RYR1: variants seen among roughly 807,000 people sequenced by gnomAD.
The protein encoded by RYR1 is central core disease of muscle.
A neutral mutation model predicts 583.5 loss-of-function variants in RYR1; 342 were observed. The ratio of observed to expected loss-of-function variants is 0.59; its 90% CI spans 0.54 to 0.64. The LOEUF (loss-of-function observed/expected upper bound fraction) is 0.64, where lower values mean the gene tolerates loss of function less well. RYR1 is among the 30% of genes least tolerant of loss of function. The pLI, the probability that RYR1 is intolerant of heterozygous loss-of-function variation, is 0.00. For missense variants in RYR1, 6,032 were observed against 6,917.2 expected, an observed-to-expected ratio of 0.87 and a Z score of 4.54; for synonymous variants, 2,791 against 2,822.5, an observed-to-expected ratio of 0.99 and a Z score of 0.35.
intron 22 of RYR1, 59 bp downstream of exon 22, chr19:38,463,909 G>T: frequency 1.6e-6 from 2 of 1,265,938 alleles, no homozygotes; most frequent in East Asian, 2.3e-5. Flanking sequence ...GGGGAGGGAG[G>T]CATGGAGAGA....
chr19:38,548,457 T>C (rs1265131285), intron 89 of RYR1, 37 bp downstream of exon 89: 1 of 1,604,720 alleles, frequency 6.2e-7, no homozygotes, highest in Non-Finnish European at 8.5e-7. Flanking sequence ...AGGACTTGGG[T>C]GGGGTTGCCA....
chr19:38,553,048 A>AT (rs1462502503), intron 89 of RYR1, among the ~76,000 whole-genome samples: 1 of 152,160 alleles, frequency 6.6e-6, no homozygotes, highest in African/African-American at 2.4e-5. Flanking sequence ...AAATCAAAAT[A>AT]TAGGCTGGGC....
intron 84 of RYR1, among the ~76,000 whole-genome samples, chr19:38,540,395 C>A (rs1972146677): frequency 7.2e-6 from 1 of 138,986 alleles, no homozygotes; most frequent in Non-Finnish European, 1.6e-5. Context: ...TCATATACTA[C>A]AGTATAATAA....
At position 38,496,359 on chromosome 19, in the gene RYR1, C is replaced by A. The variant is rs1252088653; in HGVS notation, c.6663+30C>A. 2 of 1,613,602 alleles carry A rather than the reference C, an allele frequency of 1.2e-6. No individual in the cohort carries two copies. The highest frequency in any genetic ancestry group is 2.7e-5 in the African/African-American group (2 of 74,920). ...GGGCCCAGGCAGGTGCTGGGGAGCT[C>A]AGGGGAGGCAGCCACAGAGGGCAGG... On this transcript the variant is annotated intron_variant, in intron 40 of 105. Transcript: ENST00000359596. The surrounding 1 kb of genome is among the most constrained non-coding windows in gnomAD (Gnocchi z 4.8).
chr19:38,507,348 G>A (rs1270028684), intron 57 of RYR1, among the ~76,000 whole-genome samples: 1 of 144,692 alleles, frequency 6.9e-6, no homozygotes, highest in East Asian at 2.1e-4. Flanking sequence ...AGGCTGAGAG[G>A]GGCGGGGGCT....
rs1192386237 is a variant in RYR1 at position 38,452,800 on chromosome 19, A to G, written c.1245-19A>G. On this transcript the variant is annotated intron_variant, in intron 12 of 105. Transcript: ENST00000359596. ...GTTAGCGCTCCCAGCCGTGGCTGAC[A>G]GCTGCGAGGTCCCTGTAGGAGCCTG... The G allele has an allele frequency of 2.6e-6, 4 of 1,563,322 alleles. No individual in the cohort carries two copies. The highest frequency in any genetic ancestry group is 1.9e-5 in the Admixed American group (1 of 52,226).
chr19:38,453,355 G>C (rs1250396230), intron 13 of RYR1, among the ~76,000 whole-genome samples: 1 of 152,026 alleles, frequency 6.6e-6, no homozygotes, highest in Non-Finnish European at 1.5e-5. Context: ...TGAGGCCTGG[G>C]GAGGTGAGGC....
Position 38,494,566 on chromosome 19 carries a change from C to T in RYR1, c.6489C>T (p.Arg2163=), listed in dbSNP as rs756043021. ...TGCTCGAGTGCCTCGGCCAGATCCG[C>T]TCGCTGCTCATCGTGCAGATGGGCC... ...MSLLECLGQI[R]SLLIVQMGPQ... Residue 2163 remains arginine, a synonymous_variant, in exon 39 of 106, where the codon CGC becomes CGT. Transcript: ENST00000359596. 2 of 1,614,164 alleles carry T rather than the reference C, an allele frequency of 1.2e-6. No homozygotes were observed. The highest frequency in any genetic ancestry group is 1.1e-5 in the South Asian group (1 of 91,090).
chr19:38,521,012 C>A (rs1971204355), intron 67 of RYR1, among the ~76,000 whole-genome samples: 1 of 151,848 alleles, frequency 6.6e-6, no homozygotes, highest in Non-Finnish European at 1.5e-5. Context: ...CAGTGGCTTA[C>A]AACTGTAATC....
At chr19:38,503,928 A>G (rs900200242) in intron 49 of RYR1, among the ~76,000 whole-genome samples, 1 of 152,118 alleles carries the variant, frequency 6.6e-6, no homozygotes, top group Non-Finnish European at 1.5e-5. Context: ...CTACATACCC[A>G]TGGATTAATA....
At chr19:38,534,104 CG>C (rs1334436025) in intron 78 of RYR1, among the ~76,000 whole-genome samples, 1 of 151,314 alleles carries the variant, frequency 6.6e-6, no homozygotes, top group Non-Finnish European at 1.5e-5. Context: ...CTCCACCTCC[CG>C]GGTTCAAGCA....
rs759937967 is a variant in RYR1 at position 38,519,277 on chromosome 19, C to T, written c.10082C>T (p.Thr3361Ile). 4.2e-5 allele frequency: 68 copies of T among 1,614,030 alleles called. No homozygotes were observed. Residue 3361 changes from threonine (T) to isoleucine (I), a missense_variant, in exon 67 of 106, where the codon ACT becomes ATT. Transcript: ENST00000359596. The part of the protein sequence containing the change: ...PELLQSHFIP[T>I]IGRLRKRAGK... ...CTCCTGCAGTCCCACTTCATCCCAACTATCGGGCGGCTGCGCAAGAGGGCA... is the reference window on the plus strand; with the variant it reads ...CTCCTGCAGTCCCACTTCATCCCAATTATCGGGCGGCTGCGCAAGAGGGCA...
At chr19:38,585,870 G>A (rs1311305672) in intron 102 of RYR1, 68 bp from the exon 103 acceptor site, 2 of 1,583,940 alleles carry the variant, frequency 1.3e-6, no homozygotes, top group South Asian at 1.1e-5. Context: ...CTGGAGGTAG[G>A]TAGCTGGAGA....
In RYR1 at chr19:38,486,107, G is replaced by A; in HGVS notation, c.5452G>A (p.Ala1818Thr). ...RDKALRMLGE[A>T]VRDGGQHARD... Reference sequence around the variant, plus strand: ...CAAGGCACTGAGGATGCTGGGGGAGGCGGTGCGCGACGGTGGGCAGCACGC... The same window carrying A: ...CAAGGCACTGAGGATGCTGGGGGAGACGGTGCGCGACGGTGGGCAGCACGC... The change falls in exon 34 of 106, where the codon GCG (alanine) becomes ACG (threonine). Residue 1818 changes from alanine (A) to threonine (T), a missense_variant. Ala to Thr is a moderately conservative substitution (Grantham distance 58, BLOSUM62 0). Coordinates refer to ENST00000359596, the MANE Select transcript of RYR1 (RefSeq NM_000540.3). 6.2e-7 allele frequency: 1 copy of A among 1,612,950 alleles called. No individual in the cohort carries two copies. Among genetic ancestry groups the A allele is most frequent in the Non-Finnish European group, 8.5e-7 (1 of 1,179,708 alleles).
chr19:38,443,831 GCC>G lies in RYR1; in HGVS notation c.424+38_424+39del, dbSNP rs1972810679. On this transcript the variant is annotated intron_variant, in intron 5 of 105. Transcript: ENST00000359596. ...CTGGAGGGGATGGGGGTGTGAAGGG[GCC>G]CCGCAGCAGGGATTCAGGGGGTAGA... 3 of 1,604,002 alleles carry G rather than the reference GCC, an allele frequency of 1.9e-6. No individual in the cohort carries two copies. In the East Asian group the frequency reaches 6.7e-5, roughly 36 times the overall value.
chr19:38,509,837 T>C (rs535585735), intron 58 of RYR1, among the ~76,000 whole-genome samples: 8 of 152,354 alleles, frequency 5.3e-5, no homozygotes, highest in African/African-American at 1.9e-4. Context: ...TGAAATTAAC[T>C]CTAATTTGTT....
intron 29 of RYR1, among the ~76,000 whole-genome samples, chr19:38,477,081 A>C (rs1225390567): frequency 6.6e-6 from 1 of 152,074 alleles, no homozygotes; most frequent in Non-Finnish European, 1.5e-5. Context: ...AAGAAGAAGA[A>C]GGAAAGAAAA....
intron 29 of RYR1, 118 bp from the exon 30 acceptor site, chr19:38,477,592 C>A: frequency 7.7e-7 from 1 of 1,300,346 alleles, no homozygotes; most frequent in Non-Finnish European, 1.1e-6. Flanking sequence ...TCAGATCCAA[C>A]AACTTCCTGT....
chr19:38,453,476 C>T (rs1367707047), intron 13 of RYR1, among the ~76,000 whole-genome samples: 5 of 151,382 alleles, frequency 3.3e-5, no homozygotes, highest in African/African-American at 9.7e-5. Flanking sequence ...ATGGGAGGTG[C>T]CGAGGCAGAA....
Sources: allele counts gnomAD v4.1 joint callset (sites outside exome capture counted in the v4.1 genomes callset), GRCh38; gene constraint gnomAD v4.1.1; non-coding constraint Gnocchi (gnomAD v3.1); transcripts MANE v1.5; gene names NCBI Gene and HGNC (gene_info 2026-07-23, HGNC 2026-07-21).